SUPT3H: variants seen among roughly 807,000 people sequenced by gnomAD.
SUPT3H encodes the protein SPT3 homolog, SAGA and STAGA complex component.
A neutral mutation model predicts 44.3 loss-of-function variants in SUPT3H; 44 were observed. That is an observed-to-expected ratio of 0.99 (90% CI 0.78 to 1.28). The LOEUF is 1.28. SUPT3H is among the 50% of genes most tolerant of loss of function. SUPT3H has a pLI of 0.00. For synonymous variants in SUPT3H, 124 were observed against 125.6 expected, an observed-to-expected ratio of 0.99 and a Z score of 0.09; for missense variants, 380 against 387.1, an observed-to-expected ratio of 0.98 and a Z score of 0.15.
chr6:44,882,737 A>C (rs1360431931), intron 10 of SUPT3H, among the ~76,000 whole-genome samples: 2 of 152,332 alleles, frequency 1.3e-5, no homozygotes, highest in South Asian at 2.1e-4. Context: ...CAACTTATGC[A>C]AATCAATAAA....
At chr6:45,306,883 T>C (rs1406719928) in intron 2 of SUPT3H, among the ~76,000 whole-genome samples, 1 of 152,184 alleles carries the variant, frequency 6.6e-6, no homozygotes, top group South Asian at 2.1e-4. Flanking sequence ...TTCCCTTTCA[T>C]GGCCAAGCAA....
intron 2 of SUPT3H, among the ~76,000 whole-genome samples, chr6:45,156,741 T>C (rs976278109): frequency 7.3e-5 from 11 of 151,702 alleles, no homozygotes; most frequent in African/African-American, 2.4e-4. Context: ...ACCCTTGGTT[T>C]TCTCTTAATA....
chr6:44,987,182 A>G (rs1032809224), intron 6 of SUPT3H, among the ~76,000 whole-genome samples: 20 of 151,626 alleles, frequency 1.3e-4, no homozygotes, highest in Non-Finnish European at 2.6e-4. Context: ...TCCCATCATG[A>G]AACTCTACTC....
rs1259816842 is a variant in SUPT3H, at chr6:44,827,780, G to A, written c.*2036C>T. On this transcript the variant is annotated 3_prime_UTR_variant, in exon 11 of 11. Transcript: ENST00000371459. The stretch of plus-strand genomic sequence containing the variant: ...TATGGGGACATGTAGGCTGGTTCAG[G>A]ACAGACATAAATGACCTTGCTTTAT... Among the ~76,000 whole-genome samples the A allele has an allele frequency of 6.6e-6, 1 of 152,036 alleles. No individual in the cohort carries two copies. Among genetic ancestry groups the A allele is most frequent in the Non-Finnish European group, 1.5e-5 (1 of 67,976 alleles).
rs144290667 is a variant in SUPT3H, at chr6:44,993,109, G to A, written c.504+10544C>T. Reference sequence around the variant, plus strand: ...GCCTGGGAGGTTGAGGCTGCAGTGAGCTGTGATTGGGCCATGGCATTTCAG... The same window carrying A: ...GCCTGGGAGGTTGAGGCTGCAGTGAACTGTGATTGGGCCATGGCATTTCAG... On this transcript the variant is annotated intron_variant, in intron 6 of 10. Transcript: ENST00000371459. 2.5e-3 allele frequency among the ~76,000 whole-genome samples: 388 copies of A among 152,250 alleles called. 3 individuals carry two copies. Among genetic ancestry groups the A allele is most frequent in the African/African-American group, 8.5e-3 (354 of 41,556 alleles).
rs559952873 is a variant in SUPT3H at position 45,365,829 on chromosome 6, TTTGAACAAAAGCCTAAAA to T, written c.1-546_1-529del. On this transcript the variant is annotated intron_variant, in intron 1 of 10. Transcript: ENST00000371459. ...AAACTACAGCATAATCTAAATCCTA[TTTGAACAAAAGCCTAAAA>T]TACAAATAATAATGTCAATCGGTAG... 2.6e-4 allele frequency among the ~76,000 whole-genome samples: 40 copies of T among 151,758 alleles called. No homozygotes were observed. The East Asian group carries it at 7.5e-3, about 29-fold the overall frequency.
intron 2 of SUPT3H, among the ~76,000 whole-genome samples, chr6:45,348,934 TTTATAA>T (rs1363761769): frequency 6.6e-6 from 1 of 152,130 alleles, no homozygotes; most frequent in Non-Finnish European, 1.5e-5. Context: ...CTTATCACAA[TTTATAA>T]TTATTTATTT....
chr6:45,370,859 A>T (rs928342353), intron 1 of SUPT3H, among the ~76,000 whole-genome samples: 1 of 152,124 alleles, frequency 6.6e-6, no homozygotes, highest in African/African-American at 2.4e-5. Flanking sequence ...TTAGTCTCAC[A>T]TTAAGTTTCT....
At chr6:45,332,202 C>CT (rs1192419429) in intron 2 of SUPT3H, among the ~76,000 whole-genome samples, 2 of 151,072 alleles carry the variant, frequency 1.3e-5, no homozygotes, top group South Asian at 2.1e-4. Context: ...TGTATCACAA[C>CT]TTTTTTTTTC....
chr6:44,937,694 T>G (rs1582618474), intron 9 of SUPT3H, among the ~76,000 whole-genome samples: 1 of 152,154 alleles, frequency 6.6e-6, no homozygotes, highest in Non-Finnish European at 1.5e-5. Flanking sequence ...TGAGCATTTC[T>G]TTATATGCCT....
chr6:45,263,224 G>C (rs1023301346), intron 2 of SUPT3H, among the ~76,000 whole-genome samples: 1 of 152,106 alleles, frequency 6.6e-6, no homozygotes, highest in African/African-American at 2.4e-5. Flanking sequence ...CAAAGACATG[G>C]AATCAACCTA....
rs1291991642 is a variant in SUPT3H, at chr6:45,068,139, A to T, written c.186+37783T>A. Among the ~76,000 whole-genome samples, 511 of 150,166 alleles carry T rather than the reference A, an allele frequency of 3.4e-3. 2 individuals are homozygous for T. The highest frequency in any genetic ancestry group is 0.012 in the African/African-American group (497 of 40,640). ...CATGGAATACTATGCAGCCATAAAA[A>T]ATGATGAGTTCGTGTCCTTTGTAGG... is the stretch of plus-strand genomic sequence containing the variant. On this transcript the variant is annotated intron_variant, in intron 3 of 10. Transcript: ENST00000371459.
At chr6:45,290,419 T>C (rs566160724) in intron 2 of SUPT3H, among the ~76,000 whole-genome samples, 1 of 137,760 alleles carries the variant, frequency 7.3e-6, no homozygotes, top group East Asian at 2.1e-4. Flanking sequence ...TAGGATTAAG[T>C]GAATCTCTTC....
At chr6:44,904,285 C>A (rs550495822) in intron 10 of SUPT3H, among the ~76,000 whole-genome samples, 46 of 152,170 alleles carry the variant, frequency 3.0e-4, no homozygotes, top group Admixed American at 1.6e-3. Context: ...GTCTCAGCCC[C>A]AAATCTCCTT....
In SUPT3H at chr6:45,025,755, C is replaced by T. The variant is rs144916567; in HGVS notation, c.187-5123G>A. Among the ~76,000 whole-genome samples the T allele has an allele frequency of 8.6e-5, 13 of 152,006 alleles. No homozygotes were observed. In the East Asian group the frequency reaches 2.3e-3, roughly 27 times the overall value. ...AAAATGAGCCTGGCGTGGTGGTGGG[C>T]GCCTGTAGTCTCAGCTGCTCGGGAG... On this transcript the variant is annotated intron_variant, in intron 3 of 10. Transcript: ENST00000371459.
At chr6:44,946,174 T>C (rs1421819429) in intron 9 of SUPT3H, among the ~76,000 whole-genome samples, 6 of 152,160 alleles carry the variant, frequency 3.9e-5, no homozygotes, top group Admixed American at 6.5e-5. Flanking sequence ...GAAAAAAAGA[T>C]TCCTTTCAAA....
At chr6:44,936,820 C>A (rs1771509265) in intron 9 of SUPT3H, among the ~76,000 whole-genome samples, 1 of 152,082 alleles carries the variant, frequency 6.6e-6, no homozygotes, top group South Asian at 2.1e-4. Flanking sequence ...GGCACACCTA[C>A]CGCACCTGGC....
At chr6:45,117,311 C>T (rs1287529408) in intron 2 of SUPT3H, among the ~76,000 whole-genome samples, 1 of 152,036 alleles carries the variant, frequency 6.6e-6, no homozygotes, top group East Asian at 1.9e-4. Context: ...TATAACTCTC[C>T]ATCTCATCCA....
intron 2 of SUPT3H, among the ~76,000 whole-genome samples, chr6:45,170,341 A>T (rs1008501160): frequency 6.6e-6 from 1 of 152,142 alleles, no homozygotes; most frequent in African/African-American, 2.4e-5. Flanking sequence ...TGTTTCCTCA[A>T]TTTTTTCTGG....
Sources: allele counts gnomAD v4.1 joint callset (sites outside exome capture counted in the v4.1 genomes callset), GRCh38; gene constraint gnomAD v4.1.1; transcripts MANE v1.5; gene names NCBI Gene and HGNC (gene_info 2026-07-23, HGNC 2026-07-21).